Variants in ACAD11 observed in about 807,000 individuals in gnomAD.
ACAD11 encodes acyl-Coenzyme A dehydrogenase family, member 11.
ACAD11 carries 83 observed loss-of-function variants against 102.2 expected under a neutral mutation model. That is an observed-to-expected ratio of 0.81 (90% CI 0.68 to 0.97). The LOEUF is 0.97. Among genes scored for constraint, ACAD11 ranks in the 50% least tolerant of loss-of-function variants. The probability of loss-of-function intolerance (pLI) is 0.00; values close to 1 mark genes in which losing one functional copy is unlikely to be tolerated. For synonymous variants in ACAD11, 324 were observed against 319.8 expected, an observed-to-expected ratio of 1.01 and a Z score of -0.14; for missense variants, 901 against 951.7, an observed-to-expected ratio of 0.95 and a Z score of 0.70.
At position 132,587,951 on chromosome 3, in the gene ACAD11, C is replaced by T. The variant is rs577574983; in HGVS notation, c.1622-8393G>A. ...CTCCCCTTTTCTGGCTTTTTCCTTT[C>T]CAGGAATACCCACCTCATTTCCCAG... On this transcript the variant is annotated intron_variant, in intron 13 of 19. Transcript: ENST00000264990. 9.7e-4 allele frequency among the ~76,000 whole-genome samples: 147 copies of T among 152,122 alleles called. 1 individual carries two copies. The highest frequency in any genetic ancestry group is 1.5e-3 in the Non-Finnish European group (100 of 68,020).
intron 13 of ACAD11, among the ~76,000 whole-genome samples, chr3:132,590,491 C>T (rs576109993): frequency 3.3e-5 from 5 of 152,138 alleles, no homozygotes; most frequent in Non-Finnish European, 7.4e-5. Flanking sequence ...AAGTGATCCT[C>T]CCGCCTTAGC....
chr3:132,598,903 A>T (rs1027763372), intron 13 of ACAD11, among the ~76,000 whole-genome samples: 3 of 152,318 alleles, frequency 2.0e-5, no homozygotes, highest in African/African-American at 7.2e-5. Context: ...CAGATGAGGA[A>T]CAAAACAGAG....
chr3:132,592,040 A>G (rs1938104454), intron 13 of ACAD11, among the ~76,000 whole-genome samples: 1 of 152,158 alleles, frequency 6.6e-6, no homozygotes, highest in African/African-American at 2.4e-5. Flanking sequence ...GAGAACAATT[A>G]ATATTCTAAA....
At chr3:132,621,771 T>C (rs201069358) in intron 9 of ACAD11, among the ~76,000 whole-genome samples, 1 of 60,340 alleles carries the variant, frequency 1.7e-5, no homozygotes, top group Non-Finnish European at 2.6e-5. Context: ...TAGCCTGGCC[T>C]ACCTGTCTTT....
At chr3:132,569,766 AATGAAGAAC>A (rs1288653609) in intron 17 of ACAD11, among the ~76,000 whole-genome samples, 5 of 152,208 alleles carry the variant, frequency 3.3e-5, no homozygotes, top group Non-Finnish European at 7.3e-5. Flanking sequence ...AAAATTGTAA[AATGAAGAAC>A]AGATTAGTGG....
chr3:132,641,698 G>GGAAGAGGAA (rs781004918), intron 4 of ACAD11, among the ~76,000 whole-genome samples: 212 of 116,576 alleles, frequency 1.8e-3, no homozygotes, highest in Non-Finnish European at 2.5e-3. Context: ...AAGAGGAAGA[G>GGAAGAGGAA]GAAGAAGAAG....
At chr3:132,559,219 G>C (rs374484583) in intron 19 of ACAD11, 134 bp from the exon 20 acceptor site, 8 of 695,238 alleles carry the variant, frequency 1.2e-5, no homozygotes, top group Non-Finnish European at 1.7e-5. Flanking sequence ...TAAGAAAAAG[G>C]GTACCAGGAA....
Position 132,618,613 on chromosome 3 carries a change from GT to G in ACAD11, c.1414+20del. Reference sequence around the variant, plus strand: ...TGATCAAAATATTAGAAAAAATTATGTTTTCAATTAATGTAGTAACCTGGTG... The same window carrying G: ...TGATCAAAATATTAGAAAAAATTATGTTTCAATTAATGTAGTAACCTGGTG... On this transcript the variant is annotated intron_variant, in intron 11 of 19. Coordinates refer to ENST00000264990, the MANE Select transcript of ACAD11 (RefSeq NM_032169.5). The G allele has an allele frequency of 6.5e-7, 1 of 1,530,216 alleles. No homozygotes were observed. Among genetic ancestry groups the G allele is most frequent in the East Asian group, 2.5e-5 (1 of 40,718 alleles). The allele number at this position is 1,530,216 out of a possible 1,614,324, so 94.8% of individuals were successfully genotyped here. A position where few individuals can be genotyped will look rare whatever the true frequency, so the allele number is the denominator to read the frequency against.
intron 2 of ACAD11, 122 bp from the exon 3 acceptor site, chr3:132,642,924 C>A: frequency 1.1e-6 from 1 of 950,078 alleles, no homozygotes; most frequent in Non-Finnish European, 1.6e-6. Context: ...TCAACACAAA[C>A]TCCAGAGGAT....
chr3:132,606,890 G>T (rs1208063490), intron 11 of ACAD11, among the ~76,000 whole-genome samples: 3 of 152,220 alleles, frequency 2.0e-5, no homozygotes, highest in Non-Finnish European at 4.4e-5. Context: ...GCTCTGGATG[G>T]TGTGTGGTGG....
chr3:132,621,675 G>A (rs1939613263), intron 9 of ACAD11, among the ~76,000 whole-genome samples: 1 of 152,094 alleles, frequency 6.6e-6, no homozygotes, highest in Non-Finnish European at 1.5e-5. Context: ...TGATAAATAG[G>A]TAGGTAAACT....
intron 8 of ACAD11, among the ~76,000 whole-genome samples, chr3:132,627,613 A>T (rs1159238426): frequency 1.3e-5 from 2 of 152,248 alleles, no homozygotes; most frequent in African/African-American, 4.8e-5. Flanking sequence ...ACCATGGCAC[A>T]TACATACCTA....
intron 11 of ACAD11, among the ~76,000 whole-genome samples, chr3:132,610,393 A>T (rs955987665): frequency 6.6e-6 from 1 of 152,332 alleles, no homozygotes; most frequent in East Asian, 1.9e-4. Context: ...TGAAGGAAAT[A>T]CAGACACAAA....
rs771449988 is a variant in ACAD11, at chr3:132,561,104, T to C, written c.2115A>G (p.Lys705=). The change falls in exon 18 of 20, where the codon AAA becomes AAG. Residue 705 remains lysine, a synonymous_variant. Transcript: ENST00000264990. ...TGAGGGGAGAAGGTAGCCTCACCTC[T>C]TTCTTAGCGCCAGCACTGCCCAGAG... ...MDTLGSAGAK[K]EIAMIKVAAP... 9 of 1,612,090 alleles carry C rather than the reference T, an allele frequency of 5.6e-6. No homozygotes were observed. The highest frequency in any genetic ancestry group is 2.7e-5 in the African/African-American group (2 of 74,914).
At chr3:132,659,322 T>G in intron 1 of ACAD11, 1 of 417,536 alleles carries the variant, frequency 2.4e-6, no homozygotes, top group Non-Finnish European at 4.2e-6. Flanking sequence ...TTAATTGCCT[T>G]GGTGAATCCT....
chr3:132,613,647 C>A (rs1030397747), intron 11 of ACAD11, among the ~76,000 whole-genome samples: 2 of 151,998 alleles, frequency 1.3e-5, no homozygotes, highest in Non-Finnish European at 1.5e-5. Flanking sequence ...GCCTGTAATC[C>A]CAGCACTTTG....
chr3:132,577,131 G>C (rs1937535440), intron 15 of ACAD11, 116 bp from the exon 16 acceptor site: 1 of 690,310 alleles, frequency 1.4e-6, no homozygotes, highest in Non-Finnish European at 2.5e-6. Context: ...AGATCCATAT[G>C]GCATGAACAT....
intron 5 of ACAD11, among the ~76,000 whole-genome samples, chr3:132,638,336 TAACA>T (rs1940350816): frequency 6.6e-6 from 1 of 152,212 alleles, no homozygotes; most frequent in South Asian, 2.1e-4. Flanking sequence ...CTCTGTACTA[TAACA>T]CTGTTACAAC....
At chr3:132,630,701 C>T (rs1408784553) in intron 6 of ACAD11, 143 bp from the exon 7 acceptor site, 2 of 681,946 alleles carry the variant, frequency 2.9e-6, no homozygotes, top group African/African-American at 3.7e-5. Flanking sequence ...ATCTTGATTT[C>T]CAAAAGATTA....
Sources: gnomAD v4.1 joint callset for allele counts (sites outside exome capture counted in the v4.1 genomes callset) on GRCh38, gnomAD v4.1.1 for gene constraint, MANE v1.5 for transcripts, NCBI Gene and HGNC (gene_info 2026-07-23, HGNC 2026-07-21) for gene names.